C12orf54: variants seen among roughly 807,000 people sequenced by gnomAD.
C12orf54 encodes the protein chromosome 12 open reading frame 54.
C12orf54 carries 24 observed loss-of-function variants against 26.4 expected under a neutral mutation model. That is an observed-to-expected ratio of 0.91 (90% confidence interval 0.66 to 1.28). C12orf54 has a LOEUF of 1.28. C12orf54 is among the 50% of genes most tolerant of loss of function. C12orf54 has a pLI of 0.00. For synonymous variants in C12orf54, 54 were observed against 47.0 expected (o/e 1.15, Z -0.61); for missense variants, 154 against 150.9 (o/e 1.02, Z -0.11).
At chr12:48,473,180 G>C in the C12orf54 span, 2 of 1,401,908 alleles carry the variant, frequency 1.4e-6, no homozygotes, top group Non-Finnish European at 2.0e-6. Context: ...ACAAGGAGGA[G>C]GATGAGGATG....
the C12orf54 span, among the ~76,000 whole-genome samples, chr12:48,457,870 T>A: frequency 6.6e-6 from 1 of 151,598 alleles, no homozygotes; most frequent in Non-Finnish European, 1.5e-5. Flanking sequence ...GACTGGGGAG[T>A]GATGTTCTGC....
chr12:48,433,447 CT>C, the C12orf54 span, among the ~76,000 whole-genome samples: 970 of 35,274 alleles, frequency 0.027, 6 homozygotes, highest in Middle Eastern at 0.052. Context: ...GTGCAACAAG[CT>C]TTTTTTTGGG....
the C12orf54 span, among the ~76,000 whole-genome samples, chr12:48,414,635 G>A: frequency 1.2e-4 from 19 of 152,068 alleles, no homozygotes; most frequent in African/African-American, 2.4e-4. Context: ...GTATCCATGT[G>A]CCAGGCTGGC....
chr12:48,453,552 C>CAT, the C12orf54 span, among the ~76,000 whole-genome samples: 1 of 130,918 alleles, frequency 7.6e-6, no homozygotes, highest in African/African-American at 2.6e-5. Context: ...TATATATACA[C>CAT]ATATATATAC....
the C12orf54 span, among the ~76,000 whole-genome samples, chr12:48,425,669 T>C: frequency 2.0e-5 from 3 of 152,146 alleles, no homozygotes; most frequent in Non-Finnish European, 4.4e-5. Flanking sequence ...ACCACAACAG[T>C]TGAACTAACT....
At chr12:48,434,169 C>T in the C12orf54 span, among the ~76,000 whole-genome samples, 6 of 152,150 alleles carry the variant, frequency 3.9e-5, no homozygotes, top group Non-Finnish European at 5.9e-5. Context: ...TCATTGCGAG[C>T]ACAGCAGTCT....
At chr12:48,475,591 T>A in the C12orf54 span, among the ~76,000 whole-genome samples, 1 of 152,138 alleles carries the variant, frequency 6.6e-6, no homozygotes, top group Non-Finnish European at 1.5e-5. Flanking sequence ...GAGAGCTACA[T>A]GATGAATGCA....
At chr12:48,459,921 G>A in the C12orf54 span, among the ~76,000 whole-genome samples, 2 of 152,104 alleles carry the variant, frequency 1.3e-5, no homozygotes, top group Non-Finnish European at 2.9e-5. Flanking sequence ...CAGTCCCATA[G>A]GCATGTACAT....
chr12:48,494,582 A>G (rs993702255), intron 7 of C12orf54, among the ~76,000 whole-genome samples: 40 of 152,134 alleles, frequency 2.6e-4, no homozygotes, highest in African/African-American at 9.2e-4. Flanking sequence ...ATAGGCTGTA[A>G]TAGGTTATGA....
chr12:48,442,782 G>A, the C12orf54 span: 1 of 158,410 alleles, frequency 6.3e-6, no homozygotes, highest in African/African-American at 2.4e-5. Flanking sequence ...AAGTACATGG[G>A]TGTGTGGAGG....
the C12orf54 span, among the ~76,000 whole-genome samples, chr12:48,415,764 C>T: frequency 3.9e-5 from 6 of 152,210 alleles, no homozygotes; most frequent in East Asian, 1.2e-3. Context: ...TTAGCCCTGA[C>T]CATTTGACCA....
At chr12:48,443,922 C>T in the C12orf54 span, among the ~76,000 whole-genome samples, 46 of 152,366 alleles carry the variant, frequency 3.0e-4, no homozygotes, top group African/African-American at 1.1e-3. Flanking sequence ...TTTATCCAAA[C>T]ACCGCCCAGC....
chr12:48,429,575 CA>C, the C12orf54 span, among the ~76,000 whole-genome samples: 91 of 142,276 alleles, frequency 6.4e-4, no homozygotes, highest in Middle Eastern at 7.3e-3. Context: ...ACAATAGCTG[CA>C]AAAAAAAAAA....
At chr12:48,431,148 G>A in the C12orf54 span, among the ~76,000 whole-genome samples, 11 of 152,252 alleles carry the variant, frequency 7.2e-5, no homozygotes, top group South Asian at 1.7e-3. Context: ...AACTTGTGGG[G>A]AAGGGTGGTG....
chr12:48,495,035 C>G, intron 8 of C12orf54, 56 bp downstream of exon 8: 6 of 1,352,540 alleles, frequency 4.4e-6, no homozygotes, highest in Non-Finnish European at 6.1e-6. Context: ...CTGTGGTAGT[C>G]AGGAACCCAG....
chr12:48,441,573 G>A, the C12orf54 span, among the ~76,000 whole-genome samples: 3 of 152,154 alleles, frequency 2.0e-5, no homozygotes, highest in Non-Finnish European at 4.4e-5. Context: ...GGTTGGGGGT[G>A]GGGAGGTGAG....
the C12orf54 span, among the ~76,000 whole-genome samples, chr12:48,425,208 T>A: frequency 6.6e-6 from 1 of 152,062 alleles, no homozygotes; most frequent in Admixed American, 6.6e-5. Context: ...CCAATAGTTA[T>A]TTTTTCTGAT....
At chr12:48,416,238 C>G in the C12orf54 span, among the ~76,000 whole-genome samples, 1,126 of 152,282 alleles carry the variant, frequency 7.4e-3, 13 homozygotes, top group African/African-American at 0.025. Context: ...TCAAAACTCT[C>G]CTATATCACT....
At chr12:48,442,228 G>C in the C12orf54 span, 1 of 204,050 alleles carries the variant, frequency 4.9e-6, no homozygotes, top group Non-Finnish European at 1.1e-5. Flanking sequence ...TGAGGTGGGA[G>C]GAGCAGGTGG....
Sources: gnomAD v4.1 joint callset for allele counts (sites outside exome capture counted in the v4.1 genomes callset) on GRCh38, gnomAD v4.1.1 for gene constraint, MANE v1.5 for transcripts, NCBI Gene and HGNC (gene_info 2026-07-23, HGNC 2026-07-21) for gene names.